The following NFIB variants were observed in gnomAD, a reference collection of about 807,000 sequenced individuals.
The protein encoded by NFIB is nuclear factor I B.
Under a neutral mutation model 61.5 loss-of-function variants are expected in NFIB, and 11 were observed. That is an observed-to-expected ratio of 0.18 (90% CI 0.11 to 0.30). The LOEUF (loss-of-function observed/expected upper bound fraction) is 0.30, where lower values mean the gene tolerates loss of function less well. Among genes scored for constraint, NFIB ranks in the 10% least tolerant of loss-of-function variants. NFIB has a pLI of 1.00. For missense variants in NFIB, 471 were observed against 608.9 expected (o/e 0.77, Z 2.38); for synonymous variants, 260 against 216.5 (o/e 1.20, Z -1.76).
the NFIB span, among the ~76,000 whole-genome samples, chr9:14,430,911 G>A: frequency 6.6e-6 from 1 of 152,084 alleles, no homozygotes; most frequent in African/African-American, 2.4e-5. Context: ...ACATTTTGGA[G>A]AGACAGTTTT....
chr9:14,285,976 C>T (rs117346254), intron 2 of NFIB, among the ~76,000 whole-genome samples: 2 of 151,072 alleles, frequency 1.3e-5, no homozygotes. Context: ...TTAGATAGTA[C>T]TCCTGATTTC....
At chr9:14,367,839 T>C (rs189883786) in intron 1 of NFIB, among the ~76,000 whole-genome samples, 29 of 152,036 alleles carry the variant, frequency 1.9e-4, no homozygotes, top group African/African-American at 5.8e-4. Flanking sequence ...TGGGAACACA[T>C]GGACACACGG....
At chr9:14,146,930 G>A in intron 5 of NFIB, 123 bp from the exon 6 acceptor site, 1 of 1,265,228 alleles carries the variant, frequency 7.9e-7, no homozygotes, top group Non-Finnish European at 1.1e-6. Context: ...ATAATGGTGA[G>A]TATAATGGTG....
At chr9:14,215,570 A>G (rs2131767091) in intron 2 of NFIB, among the ~76,000 whole-genome samples, 1 of 152,318 alleles carries the variant, frequency 6.6e-6, no homozygotes, top group African/African-American at 2.4e-5. Context: ...TCAAAAAGTC[A>G]TTTAAAAAAA....
chr9:14,128,188 C>T (rs2039932477), intron 6 of NFIB, among the ~76,000 whole-genome samples: 1 of 152,036 alleles, frequency 6.6e-6, no homozygotes, highest in Non-Finnish European at 1.5e-5. Flanking sequence ...TGGAAAGAAC[C>T]TCTATTCTGT....
At chr9:14,465,531 C>T in the NFIB span, among the ~76,000 whole-genome samples, 2 of 150,540 alleles carry the variant, frequency 1.3e-5, no homozygotes, top group African/African-American at 2.4e-5. Flanking sequence ...TTGTTGTCAC[C>T]GTCAACCAAA....
chr9:14,221,399 C>T (rs369450317), intron 2 of NFIB, among the ~76,000 whole-genome samples: 6 of 152,270 alleles, frequency 3.9e-5, no homozygotes, highest in Non-Finnish European at 5.9e-5. Flanking sequence ...ATTTGTAATA[C>T]GCAGCTAGAT....
chr9:14,102,162 C>T (rs2035873009), intron 10 of NFIB, among the ~76,000 whole-genome samples: 1 of 152,006 alleles, frequency 6.6e-6, no homozygotes, highest in African/African-American at 2.4e-5. Context: ...CCCTCCCCCA[C>T]CAAAAACAGT....
intron 2 of NFIB, among the ~76,000 whole-genome samples, chr9:14,252,296 C>T (rs2132143248): frequency 6.6e-6 from 1 of 152,144 alleles, no homozygotes; most frequent in Middle Eastern, 3.4e-3. Context: ...TTTTAATATT[C>T]CTCATTACTT....
At chr9:14,283,560 C>A (rs969378078) in intron 2 of NFIB, among the ~76,000 whole-genome samples, 1 of 152,224 alleles carries the variant, frequency 6.6e-6, no homozygotes, top group Non-Finnish European at 1.5e-5. Flanking sequence ...ATGGACTCCT[C>A]TTTCAGGGCA....
the NFIB span, among the ~76,000 whole-genome samples, chr9:14,478,790 C>T: frequency 6.6e-6 from 1 of 152,130 alleles, no homozygotes; most frequent in Non-Finnish European, 1.5e-5. Flanking sequence ...CTTGCACATG[C>T]ATATTTTCAC....
At chr9:14,412,883 T>G in the NFIB span, among the ~76,000 whole-genome samples, 1 of 152,176 alleles carries the variant, frequency 6.6e-6, no homozygotes, top group Non-Finnish European at 1.5e-5. Context: ...GTTCAGTTAC[T>G]TCTCTAAGTG....
chr9:14,094,431 G>C (rs896115944), intron 10 of NFIB: 3 of 152,020 alleles, frequency 2.0e-5, no homozygotes, highest in African/African-American at 4.8e-5. Context: ...TCAATAATTT[G>C]TTTGTTGAGT....
At chr9:14,422,651 G>T in the NFIB span, among the ~76,000 whole-genome samples, 1 of 152,228 alleles carries the variant, frequency 6.6e-6, no homozygotes, top group East Asian at 1.9e-4. Context: ...CTCCAAGGAA[G>T]GATTCAGATT....
chr9:14,296,074 T>A (rs2059425379), intron 2 of NFIB, among the ~76,000 whole-genome samples: 1 of 152,224 alleles, frequency 6.6e-6, no homozygotes, highest in Non-Finnish European at 1.5e-5. Flanking sequence ...TGAGCAGGAC[T>A]TCGATTTCCT....
At chr9:14,196,436 T>C (rs2048475059) in intron 2 of NFIB, among the ~76,000 whole-genome samples, 5 of 152,152 alleles carry the variant, frequency 3.3e-5, no homozygotes, top group Admixed American at 2.6e-4. Context: ...GCTTCTAGTT[T>C]GCGGAAGGGG....
In NFIB at chr9:14,392,902, T is replaced by G. The variant is rs545613771; in HGVS notation, c.108+5622A>C. ...TCCATGAGCTGCTTAGCAATCCATC[T>G]CAAAAGCAGAATACTCATATTACTT... On this transcript the variant is annotated intron_variant, in intron 1 of 8. Coordinates refer to the NFIB transcript ENST00000380934. Among the ~76,000 whole-genome samples, 3 of 152,316 alleles carry G rather than the reference T, an allele frequency of 2.0e-5. No homozygotes were observed. The South Asian group carries it at 6.2e-4, about 32-fold the overall frequency.
chr9:14,347,866 C>A (rs114067197), intron 1 of NFIB, among the ~76,000 whole-genome samples: 1 of 152,154 alleles, frequency 6.6e-6, no homozygotes, highest in African/African-American at 2.4e-5. Flanking sequence ...TCCCAGTATC[C>A]CGCCGCCCAG....
intron 2 of NFIB, among the ~76,000 whole-genome samples, chr9:14,206,328 G>A (rs1162745885): frequency 1.3e-5 from 2 of 151,664 alleles, no homozygotes; most frequent in South Asian, 2.1e-4. Context: ...AGATGCACCT[G>A]GCTAATTTTT....
Sources: allele counts gnomAD v4.1 joint callset (sites outside exome capture counted in the v4.1 genomes callset), GRCh38; gene constraint gnomAD v4.1.1; transcripts MANE v1.5; gene names NCBI Gene and HGNC (gene_info 2026-07-23, HGNC 2026-07-21).